Variants in MEMO1 observed in about 807,000 individuals in gnomAD.
MEMO1 encodes the protein protein MEMO1.
In MEMO1, 6 loss-of-function variants were observed where a neutral mutation model predicts 45.2. The ratio of observed to expected loss-of-function variants is 0.13; its 90% CI spans 0.07 to 0.26. The LOEUF is 0.26. MEMO1 is among the 10% of genes least tolerant of loss of function. The pLI, the probability that MEMO1 is intolerant of heterozygous loss-of-function variation, is 1.00. For missense variants in MEMO1, 184 were observed against 370.5 expected (o/e 0.50, Z 4.13); for synonymous variants, 78 against 124.3 (o/e 0.63, Z 2.48).
rs558999830 is a variant in MEMO1 at position 31,965,451 on chromosome 2, G to T, written c.62-22068C>A. On this transcript the variant is annotated intron_variant, in intron 2 of 9. Coordinates refer to ENST00000404530, the MANE Select transcript of MEMO1 (RefSeq NM_001301833.4). ...ATAGGATAATAATCTTGTAAATGGG[G>T]TAAATGAGGGTTCATTACAGTGTTC... is the stretch of plus-strand genomic sequence containing the variant. 8.5e-5 allele frequency among the ~76,000 whole-genome samples: 13 copies of T among 152,176 alleles called. No homozygotes were observed. The East Asian group carries it at 2.3e-3, about 27-fold the overall frequency.
At chr2:31,968,962 G>A (rs1228471902) in intron 2 of MEMO1, among the ~76,000 whole-genome samples, 5 of 151,978 alleles carry the variant, frequency 3.3e-5, no homozygotes, top group African/African-American at 9.6e-5. Flanking sequence ...TAAAAAAATG[G>A]TTGATAAACT....
rs1572567069 is a variant in MEMO1, at chr2:31,885,301, G to C, written c.581-1839C>G. 2.0e-5 allele frequency among the ~76,000 whole-genome samples: 3 copies of C among 152,128 alleles called. No individual in the cohort carries two copies. In the South Asian group the frequency reaches 6.2e-4, roughly 32 times the overall value. ...CATCCAGCTACTTTTTGTATCTTTA[G>C]TAAAGATGGGGTTTCACCATGTTGG... On this transcript the variant is annotated intron_variant, in intron 7 of 9. Coordinates refer to ENST00000404530, the MANE Select transcript of MEMO1 (RefSeq NM_001301833.4).
At chr2:31,943,494 G>A (rs530534434) in intron 2 of MEMO1, 111 bp from the exon 3 acceptor site, 29 of 768,732 alleles carry the variant, frequency 3.8e-5, no homozygotes, top group Non-Finnish European at 3.0e-5. Flanking sequence ...AGCTTAATGC[G>A]CAATAGGATC....
intron 3 of MEMO1, among the ~76,000 whole-genome samples, chr2:31,937,068 T>C (rs1404398014): frequency 1.3e-5 from 2 of 152,220 alleles, no homozygotes; most frequent in Non-Finnish European, 2.9e-5. Flanking sequence ...TGGCCCTATA[T>C]AATTTGCAAA....
At chr2:31,995,509 G>C (rs1047585735) in intron 2 of MEMO1, among the ~76,000 whole-genome samples, 1 of 151,926 alleles carries the variant, frequency 6.6e-6, no homozygotes, top group African/African-American at 2.4e-5. Context: ...TATAATATTT[G>C]ATATAAAAGT....
chr2:32,004,819 C>T (rs1242838641), intron 2 of MEMO1, among the ~76,000 whole-genome samples: 1 of 151,440 alleles, frequency 6.6e-6, no homozygotes, highest in Non-Finnish European at 1.5e-5. Flanking sequence ...CCCAGCTACT[C>T]GGGATGCTGA....
At chr2:31,944,823 ATT>A (rs1666010099) in intron 2 of MEMO1, among the ~76,000 whole-genome samples, 1 of 152,094 alleles carries the variant, frequency 6.6e-6, no homozygotes, top group Non-Finnish European at 1.5e-5. Flanking sequence ...CTTGCCATCC[ATT>A]CTTTCTTTTA....
In MEMO1 at chr2:31,997,535, C is replaced by G. The variant is rs541387188; in HGVS notation, c.61+12652G>C. ...TTCCTTTCTCTCCTCCTGTGACTAA[C>G]AAAATCAGGCAATCAATACAAATTT... On this transcript the variant is annotated intron_variant, in intron 2 of 9. Coordinates refer to ENST00000404530, the MANE Select transcript of MEMO1 (RefSeq NM_001301833.4). Among the ~76,000 whole-genome samples the G allele has an allele frequency of 3.0e-4, 46 of 152,270 alleles. 1 individual carries two copies. The South Asian group carries it at 8.7e-3, about 29-fold the overall frequency.
At chr2:31,893,310 C>A in intron 6 of MEMO1, 2 of 1,200,156 alleles carry the variant, frequency 1.7e-6, no homozygotes, top group South Asian at 3.1e-5. Context: ...GCTTCTTGGG[C>A]AGAATCTGCA....
intron 4 of MEMO1, among the ~76,000 whole-genome samples, chr2:31,922,819 T>C (rs919841661): frequency 2.0e-5 from 3 of 152,148 alleles, no homozygotes; most frequent in Non-Finnish European, 2.9e-5. Context: ...TTTAAAGAGC[T>C]GTGTAATATT....
intron 2 of MEMO1, among the ~76,000 whole-genome samples, chr2:31,956,336 C>G (rs1480400461): frequency 2.1e-5 from 3 of 145,782 alleles, no homozygotes; most frequent in African/African-American, 7.7e-5. Flanking sequence ...TATGCAATTT[C>G]TTTGAAAAAA....
At chr2:31,984,929 T>A (rs976831280) in intron 2 of MEMO1, among the ~76,000 whole-genome samples, 58 of 152,370 alleles carry the variant, frequency 3.8e-4, no homozygotes, top group African/African-American at 1.2e-3. Context: ...ATGTACCATG[T>A]AAGAGTAAGA....
At chr2:31,972,188 T>C (rs993759896) in intron 2 of MEMO1, among the ~76,000 whole-genome samples, 2 of 152,216 alleles carry the variant, frequency 1.3e-5, no homozygotes, top group African/African-American at 4.8e-5. Context: ...GGTGGTCTGA[T>C]GAACCTTTCT....
intron 8 of MEMO1, among the ~76,000 whole-genome samples, chr2:31,876,914 T>C (rs554627193): frequency 1.1e-4 from 17 of 152,188 alleles, no homozygotes; most frequent in African/African-American, 2.9e-4. Context: ...TAAATTACCA[T>C]AGTTTCTCAT....
intron 9 of MEMO1, among the ~76,000 whole-genome samples, chr2:31,869,058 T>G (rs1673284739): frequency 6.6e-6 from 1 of 152,176 alleles, no homozygotes; most frequent in Admixed American, 6.5e-5. Flanking sequence ...AAGCTTTTCT[T>G]TGAGTCAATC....
intron 4 of MEMO1, among the ~76,000 whole-genome samples, chr2:31,930,239 G>A (rs1683748570): frequency 6.6e-6 from 1 of 152,204 alleles, no homozygotes; most frequent in Non-Finnish European, 1.5e-5. Context: ...TCCAGCATGG[G>A]TGACAGAGCC....
chr2:31,945,855 T>G (rs62142074), intron 2 of MEMO1, among the ~76,000 whole-genome samples: 33,585 of 152,134 alleles, frequency 0.22, 3,939 homozygotes, highest in Middle Eastern at 0.36. Flanking sequence ...CAAGTGAATT[T>G]AGGACAAACT....
At chr2:31,872,729 T>C (rs925210760) in intron 8 of MEMO1, among the ~76,000 whole-genome samples, 13 of 152,132 alleles carry the variant, frequency 8.5e-5, no homozygotes, top group African/African-American at 3.1e-4. Context: ...ATTTTAATTC[T>C]TTAAAGTGGG....
intron 6 of MEMO1, among the ~76,000 whole-genome samples, chr2:31,904,114 T>C (rs1334507608): frequency 6.6e-6 from 1 of 152,216 alleles, no homozygotes; most frequent in Admixed American, 6.5e-5. Flanking sequence ...AGCCTGTAAC[T>C]GGGAAAGAGG....
Sources: gnomAD v4.1 joint callset for allele counts (sites outside exome capture counted in the v4.1 genomes callset) on GRCh38, gnomAD v4.1.1 for gene constraint, MANE v1.5 for transcripts, NCBI Gene and HGNC (gene_info 2026-07-23, HGNC 2026-07-21) for gene names.